The following GNG2 variants were observed in gnomAD, a reference collection of about 807,000 sequenced individuals.
GNG2 encodes the protein G protein subunit gamma 2.
In GNG2, 5 loss-of-function variants were observed where a neutral mutation model predicts 5.5. The ratio of observed to expected loss-of-function variants is 0.91; its 90% CI spans 0.48 to 1.92. GNG2 has a LOEUF of 1.92. Among genes scored for constraint, GNG2 ranks in the 30% most tolerant of loss-of-function variants. The pLI is 0.01. For synonymous variants in GNG2, 28 were observed against 32.0 expected, an observed-to-expected ratio of 0.88 and a Z score of 0.42; for missense variants, 55 against 88.4, an observed-to-expected ratio of 0.62 and a Z score of 1.52.
In GNG2 at chr14:51,926,300, A is replaced by G. The variant is rs189661827; in HGVS notation, c.-29-24350A>G. 7.3e-4 allele frequency among the ~76,000 whole-genome samples: 111 copies of G among 152,358 alleles called. 3 individuals are homozygous for G. The East Asian group carries it at 0.014, about 20-fold the overall frequency. On this transcript the variant is annotated intron_variant, in intron 2 of 3. Transcript: ENST00000556766. The stretch of plus-strand genomic sequence containing the variant: ...TTAGGGAAAAAAAGTCATGAAGAAC[A>G]AAGCAAAAAGCAGATTTTAGATCTT...
intron 2 of GNG2, among the ~76,000 whole-genome samples, chr14:51,896,588 A>G (rs1406376661): frequency 6.6e-6 from 1 of 152,206 alleles, no homozygotes; most frequent in Non-Finnish European, 1.5e-5. Context: ...TGTAACTAGA[A>G]ATCACCAAAA....
intron 2 of GNG2, among the ~76,000 whole-genome samples, chr14:51,880,023 T>G (rs1594868867): frequency 6.6e-6 from 1 of 152,238 alleles, no homozygotes. Context: ...CCAACTTTGA[T>G]GAAGCCAATT....
chr14:51,918,208 G>C lies in GNG2; in HGVS notation c.-29-32442G>C, dbSNP rs544784245. Among the ~76,000 whole-genome samples, 27 of 152,256 alleles carry C rather than the reference G, an allele frequency of 1.8e-4. No homozygotes were observed. The South Asian group carries it at 3.1e-3, about 18-fold the overall frequency. On this transcript the variant is annotated intron_variant, in intron 2 of 3. Coordinates refer to ENST00000556766, the MANE Select transcript of GNG2 (RefSeq NM_053064.5). ...AAGACACCTGCGGAGGTGGTGACCTGACCTAACAAGCTTTGACCATGTTAC... is the reference window on the plus strand; with the variant it reads ...AAGACACCTGCGGAGGTGGTGACCTCACCTAACAAGCTTTGACCATGTTAC...
At chr14:51,869,789 A>C (rs1883178921) in intron 1 of GNG2, among the ~76,000 whole-genome samples, 1 of 152,206 alleles carries the variant, frequency 6.6e-6, no homozygotes, top group Non-Finnish European at 1.5e-5. Flanking sequence ...CTGGGATTAC[A>C]GGCCTGAGCT....
Position 51,937,429 on chromosome 14 carries a change from T to C in GNG2, c.-29-13221T>C, listed in dbSNP as rs75644804. 0.024 allele frequency among the ~76,000 whole-genome samples: 3,665 copies of C among 152,196 alleles called. 321 individuals carry two copies. In the East Asian group the frequency reaches 0.27, roughly 11 times the overall value. On this transcript the variant is annotated intron_variant, in intron 2 of 3. Coordinates refer to ENST00000556766, the MANE Select transcript of GNG2 (RefSeq NM_053064.5). ...AGATGATTATGTATATTAGTTAATA[T>C]TTCCTTCCCTGCATGATATCAGACA...
At chr14:51,833,595 T>G (rs546908244) in intron 2 of GNG2, among the ~76,000 whole-genome samples, 3 of 152,368 alleles carry the variant, frequency 2.0e-5, no homozygotes, top group Non-Finnish European at 4.4e-5. Flanking sequence ...TAAAACTTAA[T>G]GTGGACCATC....
chr14:51,865,809 T>C (rs1882838229), intron 1 of GNG2, among the ~76,000 whole-genome samples: 2 of 152,196 alleles, frequency 1.3e-5, no homozygotes, highest in Non-Finnish European at 2.9e-5. Context: ...CACTGTGGAA[T>C]AGAGATTTAA....
intron 2 of GNG2, among the ~76,000 whole-genome samples, chr14:51,906,585 A>C (rs954747971): frequency 6.6e-6 from 1 of 152,196 alleles, no homozygotes; most frequent in Non-Finnish European, 1.5e-5. Flanking sequence ...ATCTCAATAC[A>C]TTATAGGATA....
chr14:51,909,157 A>G (rs1266149475), intron 2 of GNG2, among the ~76,000 whole-genome samples: 1 of 152,218 alleles, frequency 6.6e-6, no homozygotes, highest in Non-Finnish European at 1.5e-5. Flanking sequence ...GCTACGTAAT[A>G]TTCCATTGAG....
At chr14:51,928,959 T>A (rs1258597972) in intron 2 of GNG2, among the ~76,000 whole-genome samples, 1 of 152,234 alleles carries the variant, frequency 6.6e-6, no homozygotes, top group Admixed American at 6.5e-5. Flanking sequence ...GTGCTTTCGT[T>A]GTTCTCACCG....
chr14:51,951,047 A>G (rs1207650535), intron 3 of GNG2, among the ~76,000 whole-genome samples: 2 of 152,142 alleles, frequency 1.3e-5, no homozygotes, highest in African/African-American at 4.8e-5. Flanking sequence ...GAGAACACAT[A>G]AAATATATCA....
intron 1 of GNG2, among the ~76,000 whole-genome samples, chr14:51,876,310 A>G (rs1883660454): frequency 6.6e-6 from 1 of 152,146 alleles, no homozygotes; most frequent in Admixed American, 6.5e-5. Context: ...AATAGGTTGA[A>G]TTATTGATAT....
rs1467553380 is a variant in GNG2 at position 51,834,364 on chromosome 14, GC to G, written c.64+6558del. On this transcript the variant is annotated intron_variant, in intron 2 of 3. Transcript: ENST00000553432. Reference sequence around the variant, plus strand: ...TGGCTTCCATCCCTGCACTTGCCTGGCTTCTGCCTGCCACGGACTCCCCTGC... The same window carrying G: ...TGGCTTCCATCCCTGCACTTGCCTGGTTCTGCCTGCCACGGACTCCCCTGC... 2.0e-5 allele frequency among the ~76,000 whole-genome samples: 3 copies of G among 152,326 alleles called. No homozygotes were observed. The East Asian group carries it at 5.8e-4, about 29-fold the overall frequency.
At chr14:51,844,445 A>G (rs1432680901) in intron 2 of GNG2, among the ~76,000 whole-genome samples, 1 of 152,032 alleles carries the variant, frequency 6.6e-6, no homozygotes, top group Non-Finnish European at 1.5e-5. Context: ...AGTTTCTCTA[A>G]GTCATTGTTT....
chr14:51,942,391 A>G (rs1408219621), intron 2 of GNG2, among the ~76,000 whole-genome samples: 1 of 151,684 alleles, frequency 6.6e-6, no homozygotes, highest in Non-Finnish European at 1.5e-5. Flanking sequence ...CTGCACACTA[A>G]CTGCCAGTAG....
intron 2 of GNG2, chr14:51,940,019 A>T (rs1000915427): frequency 1.3e-5 from 2 of 152,230 alleles, no homozygotes; most frequent in African/African-American, 4.8e-5. Flanking sequence ...AAACAAGATA[A>T]TGCGTTAAAG....
At chr14:51,918,189 C>T (rs1886772006) in intron 2 of GNG2, among the ~76,000 whole-genome samples, 1 of 152,124 alleles carries the variant, frequency 6.6e-6, no homozygotes, top group Non-Finnish European at 1.5e-5. Context: ...GTCAAAGACA[C>T]CTGCGGAGGT....
rs551922288 is a variant in GNG2, at chr14:51,947,001, G to GTTAA, written c.-29-3648_-29-3645dup. ...TGCTCGACTCTGCCTGGTTCATACA[G>GTTAA]TTAAACAAGAACATTCAGGGTGTAG... On this transcript the variant is annotated intron_variant, in intron 2 of 3. Coordinates refer to ENST00000556766, the MANE Select transcript of GNG2 (RefSeq NM_053064.5). Among the ~76,000 whole-genome samples the GTTAA allele has an allele frequency of 8.5e-5, 13 of 152,288 alleles. No individual in the cohort carries two copies. The East Asian group carries it at 1.7e-3, about 20-fold the overall frequency.
chr14:51,917,297 G>T, intron 2 of GNG2: 1 of 455,206 alleles, frequency 2.2e-6, no homozygotes, highest in South Asian at 1.6e-5. Flanking sequence ...CACGAAGAGG[G>T]ATAGGGAAGA....
Sources: allele counts gnomAD v4.1 joint callset (sites outside exome capture counted in the v4.1 genomes callset), GRCh38; gene constraint gnomAD v4.1.1; transcripts MANE v1.5; gene names NCBI Gene and HGNC (gene_info 2026-07-23, HGNC 2026-07-21).